RBM33: variants seen among roughly 807,000 people sequenced by gnomAD.
RBM33 encodes the protein RNA binding motif protein 33.
A neutral mutation model predicts 132.6 loss-of-function variants in RBM33; 28 were observed. The observed-to-expected ratio is 0.21, with a 90% CI of 0.16 to 0.29. RBM33 has a LOEUF of 0.29. Among genes scored for constraint, RBM33 ranks in the 10% least tolerant of loss-of-function variants. RBM33 has a pLI of 1.00. For missense variants in RBM33, 1,291 were observed against 1,518.5 expected (o/e 0.85, Z 2.49); for synonymous variants, 634 against 593.0 (o/e 1.07, Z -1.01).
Position 155,741,727 on chromosome 7 carries a change from A to C in RBM33, c.2050-92A>C, listed in dbSNP as rs943173374. The C allele has an allele frequency of 2.6e-5, 31 of 1,212,588 alleles. No homozygotes were observed. In the African/African-American group the frequency reaches 4.6e-4, roughly 18 times the overall value. The allele number at this position is 1,212,588 out of a possible 1,614,324, so 75.1% of individuals were successfully genotyped here. Reference sequence around the variant, plus strand: ...AAGAAGTCATTTACTAATTAGAATGATTTATTGTGTTTTTATTTAATAATG... The same window carrying C: ...AAGAAGTCATTTACTAATTAGAATGCTTTATTGTGTTTTTATTTAATAATG... On this transcript the variant is annotated intron_variant, in intron 12 of 17. Transcript: ENST00000401878.
At chr7:155,673,471 CAT>C (rs1799010343) in intron 3 of RBM33, among the ~76,000 whole-genome samples, 2 of 138,476 alleles carry the variant, frequency 1.4e-5, no homozygotes, top group Non-Finnish European at 3.1e-5. Flanking sequence ...TATATATATA[CAT>C]ACACGTGTGT....
At position 155,745,615 on chromosome 7, in the gene RBM33, G is replaced by A. The variant is rs1175945238; in HGVS notation, c.2979+13G>A. 6.4e-7 allele frequency: 1 copy of A among 1,553,000 alleles called. No homozygotes were observed. The highest frequency in any genetic ancestry group is 2.3e-5 in the East Asian group (1 of 43,926). Reference sequence around the variant, plus strand: ...GCTGTCAGGTGGGGTAAGTTGACAAGTTTTATGAGAGCCTCTTTGAGTCTG... The same window carrying A: ...GCTGTCAGGTGGGGTAAGTTGACAAATTTTATGAGAGCCTCTTTGAGTCTG... On this transcript the variant is annotated intron_variant, in intron 14 of 17. Transcript: ENST00000401878. This position sits in a 1 kb window ranked among gnomAD's most constrained non-coding sequence, Gnocchi z 4.1.
Position 155,739,872 on chromosome 7 carries a change from A to G in RBM33, c.1895A>G (p.Gln632Arg), listed in dbSNP as rs1398602727. The G allele has an allele frequency of 7.8e-7, 1 of 1,276,186 alleles. No homozygotes were observed. 79.1% of individuals were successfully genotyped at this position (1,276,186 alleles called of 1,614,324 possible). A position where few individuals can be genotyped will look rare whatever the true frequency, so the allele number is the denominator to read the frequency against. The change falls in exon 12 of 18, where the codon CAG becomes CGG. Residue 632 changes from glutamine to arginine, a missense_variant. Around this residue, in one of 7 missense-constraint regions of RBM33, gnomAD observed 841 missense variants for 912.0 expected, o/e 0.92. Transcript: ENST00000401878. The stretch of plus-strand genomic sequence containing the variant: ...CAGCACCCACCACAGCACCCGCCGC[A>G]GCACCAGCACCACCACCACCACCAC... ...PPQHPPQHPPQHQHHHHHHHL... is the reference protein window; with the variant it reads ...PPQHPPQHPPRHQHHHHHHHL...
At chr7:155,658,469 C>T (rs1471212416) in intron 1 of RBM33, among the ~76,000 whole-genome samples, 1 of 147,860 alleles carries the variant, frequency 6.8e-6, no homozygotes, top group Admixed American at 6.8e-5. Flanking sequence ...CCCACTGCAA[C>T]CTCTGGCCCA....
rs776388913 is a variant in RBM33 at position 155,738,103 on chromosome 7, G to A, written c.1437G>A (p.Gln479=). ...PRFPSHLFLE[Q]RSPPPPPPPP... is the part of the protein sequence containing the mutation. ...TCCCGAGCCATCTTTTTCTGGAACA[G>A]CGAAGTCCCCCTCCACCACCACCGC... Residue 479 remains glutamine, a synonymous_variant, in exon 11 of 18, where the codon CAG becomes CAA. Coordinates refer to ENST00000401878, the MANE Select transcript of RBM33 (RefSeq NM_053043.3). 2 of 1,613,626 alleles carry A rather than the reference G, an allele frequency of 1.2e-6. No homozygotes were observed. Among genetic ancestry groups the A allele is most frequent in the Admixed American group, 3.3e-5 (2 of 59,990 alleles).
chr7:155,660,384 A>C (rs922453405), intron 1 of RBM33, among the ~76,000 whole-genome samples: 1 of 152,222 alleles, frequency 6.6e-6, no homozygotes, highest in African/African-American at 2.4e-5. Flanking sequence ...TTCTAAATAA[A>C]ATCACATTCA....
intron 14 of RBM33, among the ~76,000 whole-genome samples, chr7:155,755,549 G>A (rs1046459459): frequency 6.6e-6 from 1 of 152,200 alleles, no homozygotes; most frequent in African/African-American, 2.4e-5. Flanking sequence ...AATGGTTGGG[G>A]AATTTGTCAA....
chr7:155,738,678 A>T, intron 11 of RBM33: 1 of 401,248 alleles, frequency 2.5e-6, no homozygotes, highest in South Asian at 4.1e-5. Context: ...AAATTAGGAC[A>T]TGTTTTGATA....
At chr7:155,675,613 G>A (rs1476510681) in intron 3 of RBM33, among the ~76,000 whole-genome samples, 1 of 152,056 alleles carries the variant, frequency 6.6e-6, no homozygotes. Context: ...TTAGTTAAAG[G>A]CTGTTTTGCT....
chr7:155,685,347 C>A (rs1446858947), intron 5 of RBM33, among the ~76,000 whole-genome samples: 2 of 152,122 alleles, frequency 1.3e-5, no homozygotes, highest in Non-Finnish European at 2.9e-5. Context: ...TGTGGTAATT[C>A]TTTTTAATTA....
chr7:155,773,090 C>T (rs1802483428), intron 16 of RBM33, among the ~76,000 whole-genome samples: 1 of 152,200 alleles, frequency 6.6e-6, no homozygotes, highest in Non-Finnish European at 1.5e-5. Context: ...ACATGTGCCT[C>T]AGTATTTTCA....
chr7:155,685,182 T>TG (rs1023929864), intron 5 of RBM33: 2 of 952,282 alleles, frequency 2.1e-6, no homozygotes, highest in African/African-American at 3.3e-5. Context: ...GTGAAAAACT[T>TG]GAACTTTCTA....
intron 5 of RBM33, among the ~76,000 whole-genome samples, chr7:155,694,221 C>A (rs543381518): frequency 2.0e-5 from 3 of 152,284 alleles, no homozygotes; most frequent in African/African-American, 7.2e-5. Flanking sequence ...AACTAATGTT[C>A]TTCCTTGGTT....
chr7:155,678,952 A>C (rs1799258939), intron 4 of RBM33, among the ~76,000 whole-genome samples: 1 of 152,148 alleles, frequency 6.6e-6, no homozygotes, highest in Non-Finnish European at 1.5e-5. Flanking sequence ...CAGGTGGATC[A>C]CTTGAGGTCA....
intron 1 of RBM33, among the ~76,000 whole-genome samples, chr7:155,650,211 C>T (rs1308467303): frequency 2.6e-5 from 4 of 152,222 alleles, no homozygotes; most frequent in Non-Finnish European, 5.9e-5. Flanking sequence ...AAGGGGTGGT[C>T]TCTGAGCTGA....
intron 8 of RBM33, among the ~76,000 whole-genome samples, chr7:155,716,040 C>T (rs1208032710): frequency 6.6e-6 from 1 of 152,182 alleles, no homozygotes; most frequent in Non-Finnish European, 1.5e-5. Context: ...GAATTGAAAA[C>T]AGTCCATTAA....
intron 2 of RBM33, among the ~76,000 whole-genome samples, chr7:155,671,511 G>A (rs185746221): frequency 2.6e-4 from 40 of 152,234 alleles, no homozygotes; most frequent in Admixed American, 2.5e-3. Flanking sequence ...GTTCTAAAAG[G>A]CGTTATATAG....
chr7:155,749,455 C>G (rs762449038), intron 14 of RBM33, among the ~76,000 whole-genome samples: 1 of 152,192 alleles, frequency 6.6e-6, no homozygotes, highest in Non-Finnish European at 1.5e-5. Context: ...CTGAATCTTA[C>G]GCTCTTCACC....
At chr7:155,648,697 GA>G (rs1418522913) in intron 1 of RBM33, among the ~76,000 whole-genome samples, 1 of 152,082 alleles carries the variant, frequency 6.6e-6, no homozygotes, top group African/African-American at 2.4e-5. Flanking sequence ...GAGGAGTCGG[GA>G]AAGAATAGCC....
Sources: allele counts gnomAD v4.1 joint callset (sites outside exome capture counted in the v4.1 genomes callset), GRCh38; gene constraint gnomAD v4.1.1; regional missense constraint gnomAD v4.1.1; non-coding constraint Gnocchi (gnomAD v3.1); transcripts MANE v1.5; gene names NCBI Gene and HGNC (gene_info 2026-07-23, HGNC 2026-07-21).